The following IL26 variants were observed in gnomAD, a reference collection of about 807,000 sequenced individuals.
IL26 encodes interleukin 26, also known as interleukin-26.
In IL26, 23 loss-of-function variants were observed where a neutral mutation model predicts 21.7. The observed-to-expected ratio is 1.06, with a 90% confidence interval of 0.76 to 1.50. IL26 has a LOEUF of 1.50. Ranked by LOEUF, IL26 falls within the 40% of genes most tolerant of loss-of-function variation. IL26 has a pLI of 0.00. For missense variants in IL26, 204 were observed against 196.0 expected (o/e 1.04, Z -0.24); for synonymous variants, 63 against 67.8 (o/e 0.93, Z 0.34).
rs546361709 is a variant in IL26 at position 68,214,090 on chromosome 12, C to T, written c.363+11059G>A. On this transcript the variant is annotated intron_variant, in intron 3 of 4. Coordinates refer to ENST00000229134, the MANE Select transcript of IL26 (RefSeq NM_018402.2). ...TTATTTTAAGACATTTTTAAATTTC[C>T]ATCGTAATATATTTACTGACTCATC... Among the ~76,000 whole-genome samples, 3 of 152,046 alleles carry T rather than the reference C, an allele frequency of 2.0e-5. No individual in the cohort carries two copies. In the South Asian group the frequency reaches 6.2e-4, roughly 32 times the overall value.
intron 3 of IL26, among the ~76,000 whole-genome samples, chr12:68,218,047 C>T (rs956198228): frequency 5.3e-5 from 8 of 152,062 alleles, no homozygotes; most frequent in African/African-American, 1.9e-4. Context: ...CCTAACAAAG[C>T]TTAAACAACA....
In IL26 at chr12:68,212,020, A is replaced by G. The variant is rs572018626; in HGVS notation, c.364-9937T>C. Among the ~76,000 whole-genome samples the G allele has an allele frequency of 3.3e-5, 5 of 152,086 alleles. No individual in the cohort carries two copies. The East Asian group carries it at 9.6e-4, about 29-fold the overall frequency. On this transcript the variant is annotated intron_variant, in intron 3 of 4. Coordinates refer to ENST00000229134, the MANE Select transcript of IL26 (RefSeq NM_018402.2). Reference sequence around the variant, plus strand: ...ATAGTTTCATAGTGTTAGGTCTTATATTGGGCTCCAATCCATTTTGATTTT... The same window carrying G: ...ATAGTTTCATAGTGTTAGGTCTTATGTTGGGCTCCAATCCATTTTGATTTT...
chr12:68,218,437 G>A (rs1487505022), intron 3 of IL26, among the ~76,000 whole-genome samples: 3 of 151,956 alleles, frequency 2.0e-5, no homozygotes, highest in African/African-American at 7.2e-5. Flanking sequence ...AATGTATGAG[G>A]TGAAAAATAT....
chr12:68,202,421 C>T (rs1158927573), intron 3 of IL26, among the ~76,000 whole-genome samples: 1 of 152,136 alleles, frequency 6.6e-6, no homozygotes, highest in Non-Finnish European at 1.5e-5. Context: ...AGCCCATTTT[C>T]ACACTGCTAT....
chr12:68,222,854 T>C (rs1403967739), intron 3 of IL26, among the ~76,000 whole-genome samples: 17 of 152,196 alleles, frequency 1.1e-4, no homozygotes, highest in Non-Finnish European at 1.8e-4. Flanking sequence ...AGGTTGACCA[T>C]TTATACATTG....
chr12:68,225,177 T>A lies in IL26; in HGVS notation c.335A>T (p.His112Leu), dbSNP rs1272724307. Residue 112 changes from histidine (H) to leucine (L), a missense_variant, in exon 3 of 5, where the codon CAT becomes CTT. Transcript: ENST00000229134. ...CKKIRFVEDF[H>L]SLRQKLSHCI... ...GTGGCTCAATTTCTGCCTAAGGCTA[T>A]GAAAGTCCTCCACAAAGCGTATTTT... 6 of 1,613,014 alleles carry A rather than the reference T, an allele frequency of 3.7e-6. No homozygotes were observed. The African/African-American group carries it at 8.0e-5, about 22-fold the overall frequency.
In IL26 at chr12:68,216,047, C is replaced by T. The variant is rs188169860; in HGVS notation, c.363+9102G>A. 5.8e-4 allele frequency among the ~76,000 whole-genome samples: 87 copies of T among 151,298 alleles called. 1 individual carries two copies. Among genetic ancestry groups the T allele is most frequent in the Middle Eastern group, 3.4e-3 (1 of 292 alleles). On this transcript the variant is annotated intron_variant, in intron 3 of 4. Coordinates refer to ENST00000229134, the MANE Select transcript of IL26 (RefSeq NM_018402.2). ...GTGGCTCACGCCTGTAATCCCAGCA[C>T]TTTGGGAGGCTGAGGTGGATGGATC... is the stretch of plus-strand genomic sequence containing the variant.
At chr12:68,206,819 G>C (rs1348116221) in intron 3 of IL26, among the ~76,000 whole-genome samples, 4 of 152,170 alleles carry the variant, frequency 2.6e-5, no homozygotes, top group African/African-American at 4.8e-5. Flanking sequence ...CCCAGTGATT[G>C]TTTTAATGGC....
intron 3 of IL26, among the ~76,000 whole-genome samples, chr12:68,219,177 C>G (rs1001596844): frequency 6.6e-6 from 1 of 151,928 alleles, no homozygotes; most frequent in Admixed American, 6.6e-5. Context: ...GCTGTCACAA[C>G]TAAATCTAAT....
intron 3 of IL26, among the ~76,000 whole-genome samples, chr12:68,214,908 GT>G (rs970861769): frequency 1.4e-4 from 20 of 144,352 alleles, no homozygotes; most frequent in Non-Finnish European, 2.6e-4. Flanking sequence ...ATTTCATTTT[GT>G]TTTTTTTAAC....
chr12:68,225,038 A>G, intron 3 of IL26, 111 bp downstream of exon 3: 1 of 1,110,644 alleles, frequency 9.0e-7, no homozygotes, highest in Non-Finnish European at 1.3e-6. Context: ...CTACAAGCCA[A>G]CAATTACAAA....
intron 3 of IL26, among the ~76,000 whole-genome samples, chr12:68,210,014 T>C (rs1033306662): frequency 6.6e-6 from 1 of 152,088 alleles, no homozygotes; most frequent in Non-Finnish European, 1.5e-5. Context: ...ACCCTTCTTG[T>C]TGTTTTTTGT....
chr12:68,210,560 G>A lies in IL26; in HGVS notation c.364-8477C>T, dbSNP rs535000114. On this transcript the variant is annotated intron_variant, in intron 3 of 4. Transcript: ENST00000229134. ...AATTATTAGCCAAGTGTCTCTCTGC[G>A]AAACCAAATTCATAATCAGACATTT... Among the ~76,000 whole-genome samples, 14 of 152,042 alleles carry A rather than the reference G, an allele frequency of 9.2e-5. No individual in the cohort carries two copies. In the East Asian group the frequency reaches 9.7e-4, roughly 10 times the overall value.
chr12:68,211,861 G>A (rs1184849708), intron 3 of IL26, among the ~76,000 whole-genome samples: 6 of 151,920 alleles, frequency 3.9e-5, no homozygotes, highest in Non-Finnish European at 7.4e-5. Flanking sequence ...CCTTTGCTGG[G>A]CAGAGGATTT....
At chr12:68,213,309 T>C (rs780105773) in intron 3 of IL26, among the ~76,000 whole-genome samples, 11 of 152,020 alleles carry the variant, frequency 7.2e-5, no homozygotes, top group Non-Finnish European at 1.6e-4. Flanking sequence ...TTGTGTTTGT[T>C]TTCATTAGAA....
chr12:68,225,045 C>T, intron 3 of IL26, 104 bp downstream of exon 3: 1 of 1,208,680 alleles, frequency 8.3e-7, no homozygotes, highest in South Asian at 1.7e-5. Context: ...CCAACAATTA[C>T]AAAGCTCGTT....
rs754701417 is a variant in IL26 at position 68,202,020 on chromosome 12, T to C, written c.427A>G (p.Arg143Gly). The C allele has an allele frequency of 6.4e-7, 1 of 1,571,654 alleles. No homozygotes were observed. Among genetic ancestry groups the C allele is most frequent in the South Asian group, 1.2e-5 (1 of 84,576 alleles). ...ATATAAGGATTTAGAATTCTTACCC[T>C]ATAAAATATTCTTTTCATCCTGGTA... ...SITRMKRIFYRIGNKGIYKAI... is the reference protein window; with the variant it reads ...SITRMKRIFYGIGNKGIYKAI... The change falls in exon 4 of 5, where the codon AGG becomes GGG. Residue 143 changes from arginine (R) to glycine (G), a missense_variant and splice_region_variant. Transcript: ENST00000229134.
chr12:68,217,166 G>A (rs377576095), intron 3 of IL26, among the ~76,000 whole-genome samples: 2 of 152,158 alleles, frequency 1.3e-5, no homozygotes, highest in African/African-American at 4.8e-5. Flanking sequence ...ATTAGGTGCT[G>A]CAAAATGCTT....
At chr12:68,221,637 G>A (rs957012521) in intron 3 of IL26, among the ~76,000 whole-genome samples, 1 of 152,216 alleles carries the variant, frequency 6.6e-6, no homozygotes, top group African/African-American at 2.4e-5. Context: ...TAATCATAAA[G>A]TTCCATGCAA....
Sources: gnomAD v4.1 joint callset for allele counts (sites outside exome capture counted in the v4.1 genomes callset) on GRCh38, gnomAD v4.1.1 for gene constraint, MANE v1.5 for transcripts, NCBI Gene and HGNC (gene_info 2026-07-23, HGNC 2026-07-21) for gene names.